Variants in CCNF observed in about 807,000 individuals in gnomAD.
CCNF encodes the protein cyclin-F.
Under a neutral mutation model 85.4 loss-of-function variants are expected in CCNF, and 30 were observed. The observed-to-expected ratio is 0.35, with a 90% confidence interval of 0.26 to 0.48. The LOEUF (loss-of-function observed/expected upper bound fraction) is 0.48, where lower values mean the gene tolerates loss of function less well. CCNF is among the 20% of genes least tolerant of loss of function. The pLI, the probability that CCNF is intolerant of heterozygous loss-of-function variation, is 0.99. For synonymous variants in CCNF, 439 were observed against 425.1 expected (o/e 1.03, Z -0.40); for missense variants, 919 against 1,010.4 (o/e 0.91, Z 1.23).
In CCNF at chr16:2,445,435, C is replaced by T. The variant is rs1284335509; in HGVS notation, c.930-23C>T. The stretch of plus-strand genomic sequence containing the variant: ...CACATGGAGAACGCCCCCACCAGTT[C>T]CCACGTGCTTCTCTTTCCGCAGGTA... On this transcript the variant is annotated intron_variant, in intron 9 of 16. Transcript: ENST00000397066. 8.1e-6 allele frequency: 13 copies of T among 1,613,158 alleles called. No homozygotes were observed. The Admixed American group carries it at 2.2e-4, about 27-fold the overall frequency.
intron 12 of CCNF, 26 bp from the exon 13 acceptor site, chr16:2,449,802 C>A: frequency 6.7e-7 from 1 of 1,483,500 alleles, no homozygotes; most frequent in Non-Finnish European, 9.4e-7. Context: ...CCATCCCCTC[C>A]ACCCCTGGCC....
At chr16:2,432,896 C>A in intron 2 of CCNF, 65 bp from the exon 3 acceptor site, 1 of 947,334 alleles carries the variant, frequency 1.1e-6, no homozygotes, top group Non-Finnish European at 1.7e-6. Flanking sequence ...TCCTCAAGAG[C>A]CTCCAGGTGT....
chr16:2,433,955 G>T (rs551381632), intron 3 of CCNF, among the ~76,000 whole-genome samples: 1 of 152,290 alleles, frequency 6.6e-6, no homozygotes, highest in East Asian at 1.9e-4. Context: ...GCTTCCAGGG[G>T]GAATGTATAT....
chr16:2,443,071 T>A, intron 8 of CCNF, among the ~76,000 whole-genome samples: 1 of 92,126 alleles, frequency 1.1e-5, no homozygotes, highest in African/African-American at 5.0e-5. Context: ...ATAATATATA[T>A]TATAGATATA....
chr16:2,453,686 G>GC lies in CCNF; in HGVS notation c.1715+150dup. ...GACAGTGACCCTGGGACGGAGCCCT[G>GC]CAGTCATGCCTCGGGCCCCTGCGTA... On this transcript the variant is annotated intron_variant, in intron 15 of 16. Coordinates refer to ENST00000397066, the MANE Select transcript of CCNF (RefSeq NM_001761.3). The surrounding 1 kb of genome is among the most constrained non-coding windows in gnomAD (Gnocchi z 5.6). 9.6e-7 allele frequency: 1 copy of GC among 1,042,800 alleles called. No individual in the cohort carries two copies. The highest frequency in any genetic ancestry group is 3.1e-4 in the Middle Eastern group (1 of 3,234). 64.6% of individuals were successfully genotyped at this position (1,042,800 alleles called of 1,614,324 possible).
At chr16:2,443,197 T>C (rs1266115005) in intron 8 of CCNF, among the ~76,000 whole-genome samples, 1 of 134,446 alleles carries the variant, frequency 7.4e-6, no homozygotes, top group African/African-American at 2.8e-5. Flanking sequence ...TATATATATA[T>C]TTCTCTGTTT....
intron 8 of CCNF, among the ~76,000 whole-genome samples, chr16:2,440,075 C>T (rs1200352630): frequency 6.6e-6 from 1 of 152,212 alleles, no homozygotes; most frequent in East Asian, 1.9e-4. Context: ...GCCAGCCAAC[C>T]TCTTAATTTT....
intron 8 of CCNF, among the ~76,000 whole-genome samples, chr16:2,442,217 C>T (rs1166406123): frequency 7.1e-6 from 1 of 141,104 alleles, no homozygotes; most frequent in East Asian, 2.1e-4. Context: ...CCATGTTAGC[C>T]AGGATGGTCT....
chr16:2,443,565 G>T (rs1189189951), intron 8 of CCNF, 84 bp from the exon 9 acceptor site: 2 of 1,407,496 alleles, frequency 1.4e-6, no homozygotes, highest in Non-Finnish European at 9.9e-7. Context: ...CATGCATTTG[G>T]TGCCTGAATG....
chr16:2,449,718 C>A, intron 12 of CCNF, 110 bp from the exon 13 acceptor site: 1 of 799,754 alleles, frequency 1.3e-6, no homozygotes, highest in Non-Finnish European at 2.1e-6. Context: ...GCAGAGCCCA[C>A]AGAGCTATAG....
At position 2,453,459 on chromosome 16, in the gene CCNF, GCCCCGACC is replaced by G; in HGVS notation, c.1645_1652del (p.Pro549PhefsTer65). 6.2e-7 allele frequency: 1 copy of G among 1,614,044 alleles called. No homozygotes were observed. Among genetic ancestry groups the G allele is most frequent in the Non-Finnish European group, 8.5e-7 (1 of 1,179,998 alleles). On this transcript the variant is annotated frameshift_variant, in exon 15 of 17. Coordinates refer to ENST00000397066, the MANE Select transcript of CCNF (RefSeq NM_001761.3). LOFTEE classifies it high-confidence loss of function. The surrounding 1 kb of genome is among the most constrained non-coding windows in gnomAD (Gnocchi z 5.6). ...GCTGCATTAGGAGTGACACAAGACAGCCCCGACCCCCCGACTTTCCTCAGCACAGGGGA... is the reference window on the plus strand; with the variant it reads ...GCTGCATTAGGAGTGACACAAGACAGCCCCGACTTTCCTCAGCACAGGGGA...
intron 10 of CCNF, among the ~76,000 whole-genome samples, chr16:2,446,446 G>T (rs2065362980): frequency 6.6e-6 from 1 of 152,242 alleles, no homozygotes; most frequent in South Asian, 2.1e-4. Flanking sequence ...TCCTTACACG[G>T]CAGCCTGTCC....
chr16:2,456,024 C>T lies in CCNF; in HGVS notation c.1885+460C>T, dbSNP rs976167178. ...AAAAATTTAAAAATTAGCTGGGCAT[C>T]GTGGCGTGCGCCTGTGGTCCCAGCT... On this transcript the variant is annotated intron_variant, in intron 16 of 16. Transcript: ENST00000397066. This position sits in a 1 kb window ranked among gnomAD's most constrained non-coding sequence, Gnocchi z 4.5. 1.3e-4 allele frequency among the ~76,000 whole-genome samples: 20 copies of T among 152,150 alleles called. No individual in the cohort carries two copies. Among genetic ancestry groups the T allele is most frequent in the African/African-American group, 4.6e-4 (19 of 41,428 alleles).
intron 5 of CCNF, 121 bp from the exon 6 acceptor site, chr16:2,437,949 C>G (rs1596917858): frequency 1.5e-6 from 1 of 687,022 alleles, no homozygotes; most frequent in East Asian, 2.6e-5. Context: ...TGGCCCTCTG[C>G]AGGGGAGGGA....
Position 2,455,649 on chromosome 16 carries a change from C to T in CCNF, c.1885+85C>T, listed in dbSNP as rs571492464. The T allele has an allele frequency of 3.0e-4, 437 of 1,469,844 alleles. 3 individuals are homozygous for T. The East Asian group carries it at 7.5e-3, about 25-fold the overall frequency. 91.1% of individuals were successfully genotyped at this position (1,469,844 alleles called of 1,614,324 possible). A position where few individuals can be genotyped will look rare whatever the true frequency, so the allele number is the denominator to read the frequency against. ...GGGCCTCTGGGCACCCGGCCCTGTGCGAGCGCTGTGGGAGGAAGATGTGCA... is the reference window on the plus strand; with the variant it reads ...GGGCCTCTGGGCACCCGGCCCTGTGTGAGCGCTGTGGGAGGAAGATGTGCA... On this transcript the variant is annotated intron_variant, in intron 16 of 16. Transcript: ENST00000397066.
chr16:2,436,926 A>G (rs2141817303), intron 4 of CCNF: 1 of 417,066 alleles, frequency 2.4e-6, no homozygotes. Context: ...ATTGATCACA[A>G]TGACCCACCT....
chr16:2,441,978 TA>T (rs1238713878), intron 8 of CCNF, among the ~76,000 whole-genome samples: 19 of 131,474 alleles, frequency 1.4e-4, no homozygotes, highest in Non-Finnish European at 1.9e-4. Context: ...TATATATATA[TA>T]TATGTTTTTG....
intron 2 of CCNF, among the ~76,000 whole-genome samples, chr16:2,431,554 C>CCTGT (rs1365145295): frequency 1.3e-5 from 2 of 151,600 alleles, no homozygotes; most frequent in African/African-American, 4.8e-5. Flanking sequence ...GTGTCTCACG[C>CCTGT]CTGTAATCCC....
chr16:2,453,303 G>C lies in CCNF; in HGVS notation c.1581G>C (p.Gln527His). The change falls in exon 14 of 17, where the codon CAG (glutamine) becomes CAC (histidine). Residue 527 changes from glutamine to histidine, a missense_variant. By Grantham distance (24) the Gln-to-His change is conservative (BLOSUM62 0). This residue lies in a region of CCNF where 505 missense variants were observed against 514.8 expected (regional missense o/e 0.98). Transcript: ENST00000397066. The surrounding 1 kb of genome is among the most constrained non-coding windows in gnomAD (Gnocchi z 5.6). The part of the protein sequence containing the change: ...FEDKRYGEIS[Q>H]EEVLSYSQLC... ...ACAAGCGCTATGGAGAAATCAGCCA[G>C]GAAGAGGTGCCTCCCTCCCGCCACC... is the stretch of plus-strand genomic sequence containing the variant. The C allele has an allele frequency of 6.2e-7, 1 of 1,613,922 alleles. No individual in the cohort carries two copies. Among genetic ancestry groups the C allele is most frequent in the Non-Finnish European group, 8.5e-7 (1 of 1,180,020 alleles).
Sources: allele counts gnomAD v4.1 joint callset (sites outside exome capture counted in the v4.1 genomes callset), GRCh38; gene constraint gnomAD v4.1.1; regional missense constraint gnomAD v4.1.1; non-coding constraint Gnocchi (gnomAD v3.1); transcripts MANE v1.5; gene names NCBI Gene and HGNC (gene_info 2026-07-23, HGNC 2026-07-21).